Variants in ACVR1B observed in about 807,000 individuals in gnomAD.
ACVR1B encodes activin receptor type-1B.
In ACVR1B, 15 loss-of-function variants were observed where a neutral mutation model predicts 55.6. That is an observed-to-expected ratio of 0.27 (90% CI 0.18 to 0.42). The LOEUF is 0.42. Among genes scored for constraint, ACVR1B ranks in the 10% least tolerant of loss-of-function variants. The pLI, the probability that ACVR1B is intolerant of heterozygous loss-of-function variation, is 1.00. For synonymous variants in ACVR1B, 247 were observed against 254.6 expected (o/e 0.97, Z 0.28); for missense variants, 359 against 670.1 (o/e 0.54, Z 5.13).
intron 4 of ACVR1B, among the ~76,000 whole-genome samples, chr12:51,981,403 A>G (rs1372512954): frequency 6.6e-6 from 1 of 152,202 alleles, no homozygotes; most frequent in Non-Finnish European, 1.5e-5. Flanking sequence ...GTTATCAAGC[A>G]AATAAACAAG....
At chr12:51,969,002 G>A (rs10783486) in intron 1 of ACVR1B, among the ~76,000 whole-genome samples, 42,687 of 152,000 alleles carry the variant, frequency 0.28, 6,457 homozygotes, top group Admixed American at 0.48. Flanking sequence ...GGAGAGGACC[G>A]CATCAAGAAG....
intron 1 of ACVR1B, among the ~76,000 whole-genome samples, chr12:51,973,148 T>C (rs766807955): frequency 6.6e-6 from 1 of 152,212 alleles, no homozygotes; most frequent in Non-Finnish European, 1.5e-5. Flanking sequence ...ACTAACGAAA[T>C]AAGCATAAGT....
chr12:51,959,288 T>C (rs889258354), intron 1 of ACVR1B, among the ~76,000 whole-genome samples: 4 of 152,218 alleles, frequency 2.6e-5, no homozygotes, highest in Non-Finnish European at 5.9e-5. Flanking sequence ...ATTTCTCAGC[T>C]GATTGCACAA....
chr12:51,952,709 C>T (rs1217944416), intron 1 of ACVR1B, among the ~76,000 whole-genome samples: 1 of 152,164 alleles, frequency 6.6e-6, no homozygotes, highest in Non-Finnish European at 1.5e-5. Flanking sequence ...AATCCTGGAA[C>T]CTGTCTCCAA....
chr12:51,994,632 G>C lies in ACVR1B; in HGVS notation c.*522G>C, dbSNP rs1293371607. 1 of 156,264 alleles carries C rather than the reference G, an allele frequency of 6.4e-6. No individual in the cohort carries two copies. Among genetic ancestry groups the C allele is most frequent in the African/African-American group, 2.4e-5 (1 of 41,508 alleles). The allele number at this position is 156,264 out of a possible 1,614,324, so 9.7% of individuals were successfully genotyped here. A position where few individuals can be genotyped will look rare whatever the true frequency, so the allele number is the denominator to read the frequency against. Reference sequence around the variant, plus strand: ...TGCCGGGAGACTGCCAGTGGAGACGGAATCTGCCGCTTTGTCTGTCCAGCC... The same window carrying C: ...TGCCGGGAGACTGCCAGTGGAGACGCAATCTGCCGCTTTGTCTGTCCAGCC... On this transcript the variant is annotated 3_prime_UTR_variant, in exon 9 of 9. Transcript: ENST00000257963. The surrounding 1 kb of genome is among the most constrained non-coding windows in gnomAD (Gnocchi z 4.2).
Position 51,976,336 on chromosome 12 carries a change from A to G in ACVR1B, c.341A>G (p.Lys114Arg), listed in dbSNP as rs758579781. ...CTCTCACTTGACTCAGGTCACCTCA[A>G]GGAGCCTGAGCACCCGTCCATGTGG... The part of the protein sequence containing the change: ...IDLRVPSGHL[K>R]EPEHPSMWGP... The change falls in exon 3 of 9, where the codon AAG becomes AGG. Residue 114 changes from lysine (K) to arginine (R), a missense_variant. Lys to Arg is a conservative substitution (Grantham distance 26, BLOSUM62 2). This residue lies in a region of ACVR1B where 133 missense variants were observed against 188.2 expected (regional missense o/e 0.71). Transcript: ENST00000257963. The G allele has an allele frequency of 1.2e-6, 2 of 1,614,120 alleles. No individual in the cohort carries two copies. The highest frequency in any genetic ancestry group is 3.3e-5 in the Admixed American group (2 of 60,028).
rs191661350 is a variant in ACVR1B at position 51,971,076 on chromosome 12, C to T, written c.92-4189C>T. Reference sequence around the variant, plus strand: ...TGGCCATGAATCTGACTGTGTGTGGCGGTTTTTGAGAATTCTTAGCTGGGC... The same window carrying T: ...TGGCCATGAATCTGACTGTGTGTGGTGGTTTTTGAGAATTCTTAGCTGGGC... On this transcript the variant is annotated intron_variant, in intron 1 of 8. Transcript: ENST00000257963. Among the ~76,000 whole-genome samples the T allele has an allele frequency of 5.2e-3, 789 of 152,114 alleles. 3 individuals are homozygous for T. Among genetic ancestry groups the T allele is most frequent in the African/African-American group, 0.017 (698 of 41,474 alleles).
At position 51,975,324 on chromosome 12, in the gene ACVR1B, G is replaced by T; in HGVS notation, c.151G>T (p.Ala51Ser). The T allele has an allele frequency of 1.9e-6, 3 of 1,614,080 alleles. No homozygotes were observed. Among genetic ancestry groups the T allele is most frequent in the Non-Finnish European group, 2.5e-6 (3 of 1,180,050 alleles). Residue 51 changes from alanine (A) to serine (S), a missense_variant, in exon 2 of 9, where the codon GCC becomes TCC. Coordinates refer to ENST00000257963, the MANE Select transcript of ACVR1B (RefSeq NM_004302.5). ...QANYTCETDG[A>S]CMVSIFNLDG... ...CAACTACACGTGTGAGACAGATGGG[G>T]CCTGCATGGTTTCCATTTTCAATCT...
intron 2 of ACVR1B, 144 bp from the exon 3 acceptor site, chr12:51,976,183 C>G: frequency 9.1e-6 from 9 of 985,228 alleles, no homozygotes; most frequent in Non-Finnish European, 1.3e-5. Context: ...CAAGACTAGC[C>G]CAGAAGATTA....
rs1942255936 is a variant in ACVR1B, at chr12:51,994,246, G to C, written c.*136G>C. The C allele has an allele frequency of 7.9e-7, 1 of 1,259,782 alleles. No individual in the cohort carries two copies. The highest frequency in any genetic ancestry group is 1.4e-5 in the South Asian group (1 of 69,964). The allele number at this position is 1,259,782 out of a possible 1,614,324, so 78.0% of individuals were successfully genotyped here. A position where few individuals can be genotyped will look rare whatever the true frequency, so the allele number is the denominator to read the frequency against. ...GGAGCCCTGGCCCGCAAGAGGGACA[G>C]AGCCCGGGAGAGACTCGCTCACTCC... On this transcript the variant is annotated 3_prime_UTR_variant, in exon 9 of 9. Coordinates refer to ENST00000257963, the MANE Select transcript of ACVR1B (RefSeq NM_004302.5). The surrounding 1 kb of genome is among the most constrained non-coding windows in gnomAD (Gnocchi z 4.2).
Position 51,951,715 on chromosome 12 carries a change from C to CT in ACVR1B, c.-29_-28insT. 7.4e-5 allele frequency: 1 copy of CT among 13,434 alleles called. No individual in the cohort carries two copies. Among genetic ancestry groups the CT allele is most frequent in the Non-Finnish European group, 1.8e-4 (1 of 5,440 alleles). 0.8% of individuals were successfully genotyped at this position (13,434 alleles called of 1,614,324 possible). On this transcript the variant is annotated 5_prime_UTR_variant, in exon 1 of 9. Coordinates refer to ENST00000257963, the MANE Select transcript of ACVR1B (RefSeq NM_004302.5). ...GCGCGCGCTGGGCGCTGCTGGGCTG[C>CT]GGCGGCGGCGGCGGCGGCGGTGGTT...
At chr12:51,989,512 T>A (rs1036844906) in intron 7 of ACVR1B, among the ~76,000 whole-genome samples, 3 of 152,064 alleles carry the variant, frequency 2.0e-5, no homozygotes, top group African/African-American at 7.2e-5. Flanking sequence ...CTCGAACTCC[T>A]GACCTCAGGT....
At position 51,994,654 on chromosome 12, in the gene ACVR1B, A is replaced by G. The variant is rs1942265788; in HGVS notation, c.*544A>G. On this transcript the variant is annotated 3_prime_UTR_variant, in exon 9 of 9. Transcript: ENST00000257963. The surrounding 1 kb of genome is among the most constrained non-coding windows in gnomAD (Gnocchi z 4.2). ...ACGGAATCTGCCGCTTTGTCTGTCC[A>G]GCCGTGTGTGCATGTGCCGAGGTGC... is the stretch of plus-strand genomic sequence containing the variant. The G allele has an allele frequency of 6.4e-6, 1 of 155,728 alleles. No individual in the cohort carries two copies. Among genetic ancestry groups the G allele is most frequent in the African/African-American group, 2.4e-5 (1 of 41,490 alleles). The allele number at this position is 155,728 out of a possible 1,614,324, so 9.6% of individuals were successfully genotyped here.
At chr12:51,973,037 T>G (rs1183933797) in intron 1 of ACVR1B, among the ~76,000 whole-genome samples, 1 of 152,196 alleles carries the variant, frequency 6.6e-6, no homozygotes, top group Non-Finnish European at 1.5e-5. Flanking sequence ...TTTTGTTCTT[T>G]CCTGTCTTAC....
At chr12:51,980,450 C>T (rs545490105) in intron 3 of ACVR1B, among the ~76,000 whole-genome samples, 23 of 152,294 alleles carry the variant, frequency 1.5e-4, no homozygotes, top group African/African-American at 4.8e-4. Flanking sequence ...ATCTGGAGTT[C>T]GCTTGTGAGC....
chr12:51,986,455 T>C (rs941765692), intron 6 of ACVR1B, among the ~76,000 whole-genome samples: 1 of 152,148 alleles, frequency 6.6e-6, no homozygotes, highest in Non-Finnish European at 1.5e-5. Context: ...AGATGGGGTT[T>C]CGCGATGTTG....
At position 51,983,988 on chromosome 12, in the gene ACVR1B, G is replaced by T. The variant is rs1457651401; in HGVS notation, c.812-11G>T. ...ACACTTTTTCTGGGACTCATCTGTG[G>T]TTCTCTGCAGATAATGGCACCTGGA... On this transcript the variant is annotated splice_polypyrimidine_tract_variant and intron_variant, in intron 4 of 8. Transcript: ENST00000257963. 1.2e-6 allele frequency: 2 copies of T among 1,614,012 alleles called. No homozygotes were observed. Among genetic ancestry groups the T allele is most frequent in the East Asian group, 2.2e-5 (1 of 44,896 alleles).
intron 1 of ACVR1B, among the ~76,000 whole-genome samples, chr12:51,965,282 G>A (rs1385057532): frequency 6.6e-6 from 1 of 152,136 alleles, no homozygotes; most frequent in Non-Finnish European, 1.5e-5. Context: ...GGTGATTGAA[G>A]TTCTTTTTAA....
chr12:51,975,367 A>T lies in ACVR1B; in HGVS notation c.194A>T (p.His65Leu). 1 of 1,614,206 alleles carries T rather than the reference A, an allele frequency of 6.2e-7. No individual in the cohort carries two copies. The change falls in exon 2 of 9, where the codon CAT becomes CTT. Residue 65 changes from histidine (H) to leucine (L), a missense_variant. Transcript: ENST00000257963. Reference protein sequence around the residue: ...SIFNLDGMEHHVRTCIPKVEL... With the variant: ...SIFNLDGMEHLVRTCIPKVEL... The stretch of plus-strand genomic sequence containing the variant: ...TTCAATCTGGATGGGATGGAGCACC[A>T]TGTGCGCACCTGCATCCCCAAAGTG...
Sources: allele counts gnomAD v4.1 joint callset (sites outside exome capture counted in the v4.1 genomes callset), GRCh38; gene constraint gnomAD v4.1.1; regional missense constraint gnomAD v4.1.1; non-coding constraint Gnocchi (gnomAD v3.1); transcripts MANE v1.5; gene names NCBI Gene and HGNC (gene_info 2026-07-23, HGNC 2026-07-21).